The following CEP290 variants were observed in gnomAD, a reference collection of about 807,000 sequenced individuals.
CEP290 encodes centrosomal protein 290.
In CEP290, 317 loss-of-function variants were observed where a neutral mutation model predicts 344.9. That is an observed-to-expected ratio of 0.92 (90% CI 0.84 to 1.01). The LOEUF (loss-of-function observed/expected upper bound fraction) is 1.01, where lower values mean the gene tolerates loss of function less well. Among genes scored for constraint, CEP290 ranks in the 50% least tolerant of loss-of-function variants. The pLI, the probability that CEP290 is intolerant of heterozygous loss-of-function variation, is 0.00. For missense variants in CEP290, 2,754 were observed against 2,761.4 expected (o/e 1.00, Z 0.06); for synonymous variants, 932 against 895.8 (o/e 1.04, Z -0.72).
chr12:88,114,274 C>T, intron 20 of CEP290, 146 bp downstream of exon 20: 2 of 582,058 alleles, frequency 3.4e-6, no homozygotes, highest in South Asian at 3.1e-5. Context: ...TTGAAAGCAG[C>T]TCAAGAAAAA....
rs1565796681 is a variant in CEP290, at chr12:88,062,759, T to C, written c.6290A>G (p.Lys2097Arg). Residue 2097 changes from lysine (K) to arginine (R), a missense_variant, in exon 46 of 54, where the codon AAG (lysine) becomes AGG (arginine). Lys to Arg is a conservative substitution (Grantham distance 26). Transcript: ENST00000552810. ...PRLKNQVRDL[K>R]EMCEFLKKEK... ...TTTCTTAAGAAATTCACACATTTCC[T>C]TCAAATCTCTGACTTGATTCTGAAA... 6.3e-7 allele frequency: 1 copy of C among 1,584,278 alleles called. No homozygotes were observed. Among genetic ancestry groups the C allele is most frequent in the Non-Finnish European group, 8.6e-7 (1 of 1,162,976 alleles).
intron 21 of CEP290, 32 bp downstream of exon 21, chr12:88,111,662 T>C (rs2038700995): frequency 6.6e-7 from 1 of 1,520,262 alleles, no homozygotes; most frequent in South Asian, 1.3e-5. Flanking sequence ...TTCTTATGTT[T>C]AGCATTTTCT....
intron 34 of CEP290, among the ~76,000 whole-genome samples, chr12:88,085,655 C>T (rs559562667): frequency 2.0e-4 from 30 of 152,074 alleles, no homozygotes; most frequent in African/African-American, 6.7e-4. Context: ...TACCTTCAAC[C>T]CTTTAACCAT....
intron 43 of CEP290, 34 bp from the exon 44 acceptor site, chr12:88,068,679 A>G: frequency 6.5e-7 from 1 of 1,548,254 alleles, no homozygotes; most frequent in Non-Finnish European, 8.6e-7. Flanking sequence ...TTTACTATTC[A>G]CATTTCATCT....
Position 88,106,575 on chromosome 12 carries a change from A to C in CEP290, c.2817+100T>G, listed in dbSNP as rs1305936993. ...TTATGACAAAATGTTAATAAATGTTAACTATTAATTCAGGTGATGAGCATT... is the reference window on the plus strand; with the variant it reads ...TTATGACAAAATGTTAATAAATGTTCACTATTAATTCAGGTGATGAGCATT... On this transcript the variant is annotated intron_variant, in intron 25 of 53. Coordinates refer to ENST00000552810, the MANE Select transcript of CEP290 (RefSeq NM_025114.4). 5 of 699,152 alleles carry C rather than the reference A, an allele frequency of 7.2e-6. No homozygotes were observed. In the South Asian group the frequency reaches 1.2e-4, roughly 16 times the overall value. 43.3% of individuals were successfully genotyped at this position (699,152 alleles called of 1,614,324 possible). A position where few individuals can be genotyped will look rare whatever the true frequency, so the allele number is the denominator to read the frequency against.
In CEP290 at chr12:88,126,407, A is replaced by G. The variant is rs769705837; in HGVS notation, c.974T>C (p.Ile325Thr). Residue 325 changes from isoleucine to threonine, a missense_variant, in exon 12 of 54, where the codon ATT (isoleucine) becomes ACT (threonine). Coordinates refer to ENST00000552810, the MANE Select transcript of CEP290 (RefSeq NM_025114.4). ...GTTATGTAACATTTGCTGATACTCAATAATTTCATCATCTTTAGAAGACAA... is the reference window on the plus strand; with the variant it reads ...GTTATGTAACATTTGCTGATACTCAGTAATTTCATCATCTTTAGAAGACAA... ...LILSSKDDEI[I>T]EYQQMLHNLR... The G allele has an allele frequency of 1.2e-4, 185 of 1,514,916 alleles. No individual in the cohort carries two copies. The highest frequency in any genetic ancestry group is 1.6e-4 in the Non-Finnish European group (179 of 1,136,538). The allele number at this position is 1,514,916 out of a possible 1,614,324, so 93.8% of individuals were successfully genotyped here. A position where few individuals can be genotyped will look rare whatever the true frequency, so the allele number is the denominator to read the frequency against.
intron 43 of CEP290, 149 bp downstream of exon 43, chr12:88,071,145 T>G: frequency 1.5e-6 from 1 of 662,606 alleles, no homozygotes; most frequent in South Asian, 1.8e-5. Flanking sequence ...CAAAATTATG[T>G]GGCATATGAA....
chr12:88,121,076 G>A lies in CEP290; in HGVS notation c.1280C>T (p.Ala427Val), dbSNP rs2039369004. ...KEKTKEAERTAELAEADAREK... is the reference protein window; with the variant it reads ...KEKTKEAERTVELAEADAREK... Reference sequence around the variant, plus strand: ...CCTAGCATCAGCCTCAGCCAGTTCAGCTGTTCTCTCAGCCTCTTTAGTTTT... The same window carrying A: ...CCTAGCATCAGCCTCAGCCAGTTCAACTGTTCTCTCAGCCTCTTTAGTTTT... The change falls in exon 14 of 54, where the codon GCT (alanine) becomes GTT (valine). Residue 427 changes from alanine to valine, a missense_variant. Transcript: ENST00000552810. 1.9e-6 allele frequency: 3 copies of A among 1,613,426 alleles called. No individual in the cohort carries two copies. Among genetic ancestry groups the A allele is most frequent in the East Asian group, 2.2e-5 (1 of 44,850 alleles).
At chr12:88,082,667 C>T (rs1040031918) in intron 37 of CEP290, among the ~76,000 whole-genome samples, 1 of 151,968 alleles carries the variant, frequency 6.6e-6, no homozygotes, top group Admixed American at 6.6e-5. Flanking sequence ...GCACTCCAGC[C>T]TAGGAAATAG....
rs763991371 is a variant in CEP290, at chr12:88,084,724, T to G, written c.4566A>C (p.Leu1522=). ...ATTTTGGTTCCATCTCTTTTCTGCC[T>G]AGCTCAGCTATGAGCTTTTCTCTTT... ...TAEREKLIAE[L]GRKEMEPKSH... Residue 1522 remains leucine (L), a synonymous_variant, in exon 35 of 54, where the codon CTA becomes CTC. Coordinates refer to ENST00000552810, the MANE Select transcript of CEP290 (RefSeq NM_025114.4). 1.9e-6 allele frequency: 3 copies of G among 1,613,814 alleles called. No homozygotes were observed. The highest frequency in any genetic ancestry group is 3.3e-5 in the Admixed American group (2 of 60,008).
Position 88,141,203 on chromosome 12 carries a change from C to T in CEP290, c.102+3G>A. ...TATCTATTATTATTGACCAATTAAG[C>T]ACCTTGGATAAGGAAATCAATAAAT... On this transcript the variant is annotated splice_donor_region_variant and intron_variant, in intron 2 of 53. Transcript: ENST00000552810. 1.3e-6 allele frequency: 2 copies of T among 1,599,084 alleles called. No homozygotes were observed. The highest frequency in any genetic ancestry group is 1.7e-4 in the Middle Eastern group (1 of 6,026).
intron 46 of CEP290, among the ~76,000 whole-genome samples, chr12:88,062,413 A>C (rs2034546644): frequency 6.6e-6 from 1 of 152,174 alleles, no homozygotes; most frequent in Non-Finnish European, 1.5e-5. Context: ...GTTAGCAGTT[A>C]CCTCCATAAA....
chr12:88,114,896 A>G (rs2038945588), intron 19 of CEP290, among the ~76,000 whole-genome samples: 1 of 152,128 alleles, frequency 6.6e-6, no homozygotes, highest in Non-Finnish European at 1.5e-5. Context: ...TCTCACAAAA[A>G]ATTCATATTA....
rs1339490922 is a variant in CEP290, at chr12:88,049,180, A to G, written c.*4T>C. ...TTAAATGAAACAAAGTTTATAGGTG[A>G]CCTTTAGTAAATGGGGAAATTAACA... On this transcript the variant is annotated 3_prime_UTR_variant, in exon 54 of 54. Coordinates refer to ENST00000552810, the MANE Select transcript of CEP290 (RefSeq NM_025114.4). 2 of 1,538,524 alleles carry G rather than the reference A, an allele frequency of 1.3e-6. No individual in the cohort carries two copies. Among genetic ancestry groups the G allele is most frequent in the Non-Finnish European group, 1.8e-6 (2 of 1,129,738 alleles).
At chr12:88,130,198 T>C (rs955358506) in intron 9 of CEP290, 70 bp downstream of exon 9, 6 of 1,373,496 alleles carry the variant, frequency 4.4e-6, no homozygotes, top group East Asian at 4.7e-5. Context: ...GGCTAAATAT[T>C]ATATTTACAT....
intron 43 of CEP290, among the ~76,000 whole-genome samples, chr12:88,070,384 C>T (rs2035278218): frequency 6.6e-6 from 1 of 152,168 alleles, no homozygotes; most frequent in Non-Finnish European, 1.5e-5. Flanking sequence ...TCTGCACTGA[C>T]AGAGAGAGCT....
chr12:88,136,703 T>G lies in CEP290; in HGVS notation c.381A>C (p.Lys127Asn). The G allele has an allele frequency of 1.9e-6, 3 of 1,613,740 alleles. No individual in the cohort carries two copies. Among genetic ancestry groups the G allele is most frequent in the Non-Finnish European group, 2.5e-6 (3 of 1,179,714 alleles). The change falls in exon 6 of 54, where the codon AAA becomes AAC. Residue 127 changes from lysine (K) to asparagine (N), a missense_variant. Lys to Asn is a moderately conservative substitution (Grantham distance 94). Transcript: ENST00000552810. Reference protein sequence around the residue: ...ICQLEKQLEQKDRELEDMEKE... With the variant: ...ICQLEKQLEQNDRELEDMEKE... The stretch of plus-strand genomic sequence containing the variant: ...TTTCCATGTCCTCCAATTCTCTATC[T>G]TTTTGTTCTAATTGTTTTTCAAGTT...
chr12:88,098,267 T>C (rs1473678728), intron 26 of CEP290, among the ~76,000 whole-genome samples: 1 of 150,046 alleles, frequency 6.7e-6, no homozygotes, highest in Non-Finnish European at 1.5e-5. Context: ...ATCACACCAC[T>C]GCGCTCTAGC....
Position 88,126,419 on chromosome 12 carries a change from T to A in CEP290, c.962A>T (p.Asp321Val). Residue 321 changes from aspartate (D) to valine (V), a missense_variant, in exon 12 of 54, where the codon GAT becomes GTT. Physicochemically the swap from Asp to Val is radical, Grantham distance 152. Transcript: ENST00000552810. The part of the protein sequence containing the change: ...EEWKLILSSK[D>V]DEIIEYQQML... ...TTGCTGATACTCAATAATTTCATCA[T>A]CTTTAGAAGACAAAATTAGCTAGAA... is the stretch of plus-strand genomic sequence containing the variant. The A allele has an allele frequency of 6.6e-7, 1 of 1,506,050 alleles. No individual in the cohort carries two copies. The highest frequency in any genetic ancestry group is 1.4e-5 in the South Asian group (1 of 71,714). 93.3% of individuals were successfully genotyped at this position (1,506,050 alleles called of 1,614,324 possible). A position where few individuals can be genotyped will look rare whatever the true frequency, so the allele number is the denominator to read the frequency against.
Sources: allele counts gnomAD v4.1 joint callset (sites outside exome capture counted in the v4.1 genomes callset), GRCh38; gene constraint gnomAD v4.1.1; transcripts MANE v1.5; gene names NCBI Gene and HGNC (gene_info 2026-07-23, HGNC 2026-07-21).